LTBP2: variants seen among roughly 807,000 people sequenced by gnomAD.
LTBP2 encodes the protein latent-transforming growth factor beta-binding protein 2.
Under a neutral mutation model 210.6 loss-of-function variants are expected in LTBP2, and 103 were observed. That is an observed-to-expected ratio of 0.49 (90% CI 0.42 to 0.58). The LOEUF is 0.58. Ranked by LOEUF, LTBP2 falls within the 20% of genes least tolerant of loss-of-function variation. The pLI, the probability that LTBP2 is intolerant of heterozygous loss-of-function variation, is 0.00. For synonymous variants in LTBP2, 1,007 were observed against 1,015.0 expected, an observed-to-expected ratio of 0.99 and a Z score of 0.15; for missense variants, 2,313 against 2,494.5, an observed-to-expected ratio of 0.93 and a Z score of 1.55.
In LTBP2 at chr14:74,504,015, G is replaced by A. The variant is rs766870197; in HGVS notation, c.4493C>T (p.Pro1498Leu). ...CACGGTGTTGAGGCACCGGCCGTTC[G>A]GGCAGAGACCAGGCCCGAATATCAC... The part of the protein sequence containing the change: ...ECVIFGPGLC[P>L]NGRCLNTVPG... Residue 1498 changes from proline to leucine, a missense_variant, in exon 31 of 36, where the codon CCG (proline) becomes CTG (leucine). Transcript: ENST00000261978. 2.4e-5 allele frequency: 39 copies of A among 1,614,090 alleles called. No homozygotes were observed. The highest frequency in any genetic ancestry group is 2.9e-5 in the Non-Finnish European group (34 of 1,180,014).
At chr14:74,603,854 A>C in intron 1 of LTBP2, 149 bp from the exon 2 acceptor site, 1 of 719,162 alleles carries the variant, frequency 1.4e-6, no homozygotes. Context: ...TGCAAATCTA[A>C]GATTGAATCC....
At position 74,611,930 on chromosome 14, in the gene LTBP2, G is replaced by A; in HGVS notation, c.15C>T (p.Thr5=). The part of the protein sequence containing the change: MRPR[T]KARSPGRALR... ...GGGCGCGCCCCGGGCTGCGGGCTTTGGTCCGCGGCCTCATGGCGCGGGGCG... is the reference window on the plus strand; with the variant it reads ...GGGCGCGCCCCGGGCTGCGGGCTTTAGTCCGCGGCCTCATGGCGCGGGGCG... The change falls in exon 1 of 36, where the codon ACC becomes ACT. Residue 5 remains threonine, a synonymous_variant. Transcript: ENST00000261978. The A allele has an allele frequency of 6.3e-7, 1 of 1,584,554 alleles. No individual in the cohort carries two copies. The highest frequency in any genetic ancestry group is 8.6e-7 in the Non-Finnish European group (1 of 1,169,352).
intron 3 of LTBP2, among the ~76,000 whole-genome samples, chr14:74,565,409 G>T (rs193252695): frequency 3.9e-4 from 60 of 152,326 alleles, no homozygotes; most frequent in African/African-American, 1.4e-3. Context: ...AGGCGAGCTG[G>T]AGGCCAGCTG....
At chr14:74,553,697 A>G (rs2087690422) in intron 4 of LTBP2, among the ~76,000 whole-genome samples, 1 of 152,024 alleles carries the variant, frequency 6.6e-6, no homozygotes, top group Admixed American at 6.6e-5. Context: ...AGGCAGGGTG[A>G]CCACCTGGGA....
rs563731177 is a variant in LTBP2, at chr14:74,499,238, A to G, written c.*1646T>C. 3.2e-5 allele frequency: 7 copies of G among 216,662 alleles called. No individual in the cohort carries two copies. The highest frequency in any genetic ancestry group is 3.1e-3 in the Middle Eastern group (2 of 654). The allele number at this position is 216,662 out of a possible 1,614,324, so 13.4% of individuals were successfully genotyped here. A position where few individuals can be genotyped will look rare whatever the true frequency, so the allele number is the denominator to read the frequency against. On this transcript the variant is annotated 3_prime_UTR_variant, in exon 36 of 36. Coordinates refer to ENST00000261978, the MANE Select transcript of LTBP2 (RefSeq NM_000428.3). The stretch of plus-strand genomic sequence containing the variant: ...GCATTTCTTTTATTATGAGTGAAAG[A>G]ATATTTTTACATGCGTAAGAGTGAC...
chr14:74,528,507 C>T lies in LTBP2; in HGVS notation c.2344G>A (p.Glu782Lys), dbSNP rs1427291527. ...CCCTTGTCAGGGATGGTCCCGGCCT[C>T]AAGCCAGGTGTCCGTGACGACCCGG... Reference protein sequence around the residue: ...PLRVVTDTWLEAGTIPDKGDS... With the variant: ...PLRVVTDTWLKAGTIPDKGDS... The change falls in exon 12 of 36, where the codon GAG becomes AAG. Residue 782 changes from glutamate to lysine, a missense_variant. Around this residue, in one of 3 missense-constraint regions of LTBP2, gnomAD observed 1,867 missense variants for 1,976.9 expected, o/e 0.94. Coordinates refer to ENST00000261978, the MANE Select transcript of LTBP2 (RefSeq NM_000428.3). 1.9e-6 allele frequency: 3 copies of T among 1,611,994 alleles called. No homozygotes were observed. In the African/African-American group the frequency reaches 4.0e-5, roughly 22 times the overall value.
Position 74,500,613 on chromosome 14 carries a change from C to T in LTBP2, c.*271G>A, listed in dbSNP as rs2139683907. The T allele has an allele frequency of 5.5e-6, 3 of 548,056 alleles. No individual in the cohort carries two copies. Among genetic ancestry groups the T allele is most frequent in the Non-Finnish European group, 9.9e-6 (3 of 301,976 alleles). The allele number at this position is 548,056 out of a possible 1,614,324, so 33.9% of individuals were successfully genotyped here. A position where few individuals can be genotyped will look rare whatever the true frequency, so the allele number is the denominator to read the frequency against. ...TGAGGGCCATCCTTTGGTAAGCATC[C>T]CATAGCAAGGCCAGGAAAGGTGGTG... On this transcript the variant is annotated 3_prime_UTR_variant, in exon 36 of 36. Coordinates refer to ENST00000261978, the MANE Select transcript of LTBP2 (RefSeq NM_000428.3).
intron 3 of LTBP2, among the ~76,000 whole-genome samples, chr14:74,562,344 G>T (rs1238892375): frequency 1.3e-5 from 2 of 150,656 alleles, no homozygotes; most frequent in Non-Finnish European, 3.0e-5. Context: ...AGGGGGGAAG[G>T]GAAATCATTC....
At chr14:74,553,278 C>G (rs2087685325) in intron 4 of LTBP2, among the ~76,000 whole-genome samples, 1 of 152,238 alleles carries the variant, frequency 6.6e-6, no homozygotes, top group Non-Finnish European at 1.5e-5. Flanking sequence ...TCATGCACAT[C>G]AACCCTCTTG....
In LTBP2 at chr14:74,499,303, A is replaced by G. The variant is rs2086885324; in HGVS notation, c.*1581T>C. ...TGAAAACATCTCAATTAGTATAGGGACCTAGAGCAAATTATTTAAGCTTTC... is the reference window on the plus strand; with the variant it reads ...TGAAAACATCTCAATTAGTATAGGGGCCTAGAGCAAATTATTTAAGCTTTC... On this transcript the variant is annotated 3_prime_UTR_variant, in exon 36 of 36. Transcript: ENST00000261978. The G allele has an allele frequency of 4.5e-6, 1 of 220,414 alleles. No homozygotes were observed. Among genetic ancestry groups the G allele is most frequent in the Non-Finnish European group, 9.1e-6 (1 of 109,936 alleles). 13.7% of individuals were successfully genotyped at this position (220,414 alleles called of 1,614,324 possible). A position where few individuals can be genotyped will look rare whatever the true frequency, so the allele number is the denominator to read the frequency against.
intron 2 of LTBP2, among the ~76,000 whole-genome samples, chr14:74,588,174 G>C (rs1359502426): frequency 1.3e-5 from 2 of 152,194 alleles, no homozygotes; most frequent in Non-Finnish European, 2.9e-5. Context: ...GCCATTCACT[G>C]GGCGTGCCCT....
intron 2 of LTBP2, among the ~76,000 whole-genome samples, chr14:74,596,376 G>A (rs1439575154): frequency 2.6e-5 from 4 of 152,190 alleles, no homozygotes; most frequent in African/African-American, 4.8e-5. Flanking sequence ...AAGCAAGAGT[G>A]GCCAGGGCAG....
At chr14:74,583,371 C>T (rs2088162780) in intron 3 of LTBP2, among the ~76,000 whole-genome samples, 1 of 152,230 alleles carries the variant, frequency 6.6e-6, no homozygotes, top group Non-Finnish European at 1.5e-5. Flanking sequence ...AAATGTCTGA[C>T]ACCACCAGGC....
intron 8 of LTBP2, among the ~76,000 whole-genome samples, chr14:74,544,403 AGCACC>A (rs2087552623): frequency 6.6e-6 from 1 of 152,240 alleles, no homozygotes; most frequent in Non-Finnish European, 1.5e-5. Flanking sequence ...TGGGGATAAT[AGCACC>A]CAACATCTAG....
rs1249817630 is a variant in LTBP2 at position 74,611,683 on chromosome 14, C to T, written c.262G>A (p.Ala88Thr). ...CTGGGGCTCCCCCAGCCCGGCTGGG[C>T]CCGCTCCACGGGCTGCAAGCCCGCG... ...PVAGLQPVERAQPGWGSPRRP... is the reference protein window; with the variant it reads ...PVAGLQPVERTQPGWGSPRRP... Residue 88 changes from alanine (A) to threonine (T), a missense_variant, in exon 1 of 36, where the codon GCC (alanine) becomes ACC (threonine). This residue lies in a region of LTBP2 where 1,867 missense variants were observed against 1,976.9 expected (regional missense o/e 0.94). Transcript: ENST00000261978. The T allele has an allele frequency of 5.1e-6, 8 of 1,573,966 alleles. No individual in the cohort carries two copies. Among genetic ancestry groups the T allele is most frequent in the South Asian group, 3.4e-5 (3 of 87,736 alleles).
intron 17 of LTBP2, among the ~76,000 whole-genome samples, chr14:74,520,346 C>T (rs1467428392): frequency 6.6e-6 from 1 of 152,210 alleles, no homozygotes; most frequent in Admixed American, 6.5e-5. Flanking sequence ...GCTCTGTCAC[C>T]ACTAGGTTTG....
intron 9 of LTBP2, among the ~76,000 whole-genome samples, chr14:74,533,184 C>T (rs992620587): frequency 4.6e-5 from 7 of 152,258 alleles, no homozygotes; most frequent in Admixed American, 2.0e-4. Context: ...TTACATGCTA[C>T]GTACTCTGCT....
chr14:74,551,345 C>A lies in LTBP2; in HGVS notation c.1405G>T (p.Val469Leu). The A allele has an allele frequency of 3.2e-6, 5 of 1,568,760 alleles. No individual in the cohort carries two copies. Among genetic ancestry groups the A allele is most frequent in the Non-Finnish European group, 4.3e-6 (5 of 1,155,592 alleles). Residue 469 changes from valine to leucine, a missense_variant, in exon 7 of 36, where the codon GTG (valine) becomes TTG (leucine). By Grantham distance (32) the Val-to-Leu change is conservative. Around this residue, in one of 3 missense-constraint regions of LTBP2, gnomAD observed 1,867 missense variants for 1,976.9 expected, o/e 0.94. Transcript: ENST00000261978. ...TGCACCTTCACCAGGGAGGGGTTCACGGAGGCTGGGCACAGGGGCTAGAGT... is the reference window on the plus strand; with the variant it reads ...TGCACCTTCACCAGGGAGGGGTTCAAGGAGGCTGGGCACAGGGGCTAGAGT... ...TLPLSNQLAS[V>L]NPSLVKVHIH...
At chr14:74,530,159 C>A (rs2087331376) in intron 10 of LTBP2, among the ~76,000 whole-genome samples, 2 of 152,246 alleles carry the variant, frequency 1.3e-5, no homozygotes, top group South Asian at 4.1e-4. Context: ...ACAGGAACCA[C>A]CCTTTCCCAC....
Sources: gnomAD v4.1 joint callset for allele counts (sites outside exome capture counted in the v4.1 genomes callset) on GRCh38, gnomAD v4.1.1 for gene constraint, gnomAD v4.1.1 regional missense constraint, MANE v1.5 for transcripts, NCBI Gene and HGNC (gene_info 2026-07-23, HGNC 2026-07-21) for gene names.